The following SMYD3 variants were observed in gnomAD, a reference collection of about 807,000 sequenced individuals.
SMYD3 encodes the protein SET and MYND domain containing 3.
Under a neutral mutation model 57.7 loss-of-function variants are expected in SMYD3, and 36 were observed. The ratio of observed to expected loss-of-function variants is 0.62; its 90% CI spans 0.48 to 0.82. The LOEUF is 0.82. Among genes scored for constraint, SMYD3 ranks in the 40% least tolerant of loss-of-function variants. The pLI, the probability that SMYD3 is intolerant of heterozygous loss-of-function variation, is 0.00. For synonymous variants in SMYD3, 211 were observed against 195.0 expected (o/e 1.08, Z -0.68); for missense variants, 515 against 538.8 (o/e 0.96, Z 0.44).
intron 11 of SMYD3, among the ~76,000 whole-genome samples, chr1:245,750,719 G>T (rs142071452): frequency 4.6e-5 from 7 of 151,106 alleles, no homozygotes; most frequent in African/African-American, 1.2e-4. Context: ...CTGCCCAAAT[G>T]GGGGGGTGGG....
intron 5 of SMYD3, among the ~76,000 whole-genome samples, chr1:246,021,789 T>A (rs2059474589): frequency 6.6e-6 from 1 of 152,144 alleles, no homozygotes. Context: ...TTTCAGCAAA[T>A]CAAAACCCAT....
intron 8 of SMYD3, among the ~76,000 whole-genome samples, chr1:245,877,160 C>A (rs1469966628): frequency 6.6e-6 from 1 of 152,180 alleles, no homozygotes; most frequent in Non-Finnish European, 1.5e-5. Flanking sequence ...CGGGGCAGCT[C>A]CCCGGCCCTC....
intron 1 of SMYD3, among the ~76,000 whole-genome samples, chr1:246,368,192 C>G (rs929990080): frequency 1.3e-5 from 2 of 152,194 alleles, no homozygotes; most frequent in Non-Finnish European, 2.9e-5. Flanking sequence ...GCAGGAACAA[C>G]CATCTCTAAG....
chr1:246,258,132 G>A (rs1321797146), intron 5 of SMYD3, among the ~76,000 whole-genome samples: 2 of 152,140 alleles, frequency 1.3e-5, no homozygotes, highest in Non-Finnish European at 2.9e-5. Context: ...TGCCTCCTGG[G>A]TTCAAGCAAT....
chr1:246,296,310 T>A (rs570089551), intron 5 of SMYD3, among the ~76,000 whole-genome samples: 1 of 152,324 alleles, frequency 6.6e-6, no homozygotes, highest in Admixed American at 6.5e-5. Context: ...ACTTTAGCCA[T>A]GAACAACTCA....
Position 246,309,367 on chromosome 1 carries a change from G to A in SMYD3, c.531+17834C>T, listed in dbSNP as rs570638756. On this transcript the variant is annotated intron_variant, in intron 5 of 11. Transcript: ENST00000490107. ...GATTATCATACTCCTCCAGCCAGAC[G>A]AAGGTATAGTGAACTAGAGAGTTCA... 5.6e-4 allele frequency among the ~76,000 whole-genome samples: 86 copies of A among 152,264 alleles called. 1 individual carries two copies. The highest frequency in any genetic ancestry group is 1.7e-3 in the African/African-American group (69 of 41,552).
intron 5 of SMYD3, among the ~76,000 whole-genome samples, chr1:246,088,747 T>A (rs2060771009): frequency 6.6e-6 from 1 of 152,220 alleles, no homozygotes; most frequent in Admixed American, 6.5e-5. Flanking sequence ...CCCAAAAGTT[T>A]GAAAAATTAG....
intron 8 of SMYD3, among the ~76,000 whole-genome samples, chr1:245,881,657 G>C (rs1179490160): frequency 6.6e-6 from 1 of 152,162 alleles, no homozygotes; most frequent in Non-Finnish European, 1.5e-5. Flanking sequence ...TTCCTAACAA[G>C]TAAGCAAATA....
chr1:246,363,512 G>T (rs966973987), intron 1 of SMYD3, among the ~76,000 whole-genome samples: 2 of 152,204 alleles, frequency 1.3e-5, no homozygotes, highest in African/African-American at 2.4e-5. Context: ...TGAGAAATCG[G>T]ATGGTTGCCG....
chr1:246,104,913 AT>A (rs1168629239), intron 5 of SMYD3, among the ~76,000 whole-genome samples: 1 of 152,140 alleles, frequency 6.6e-6, no homozygotes, highest in Non-Finnish European at 1.5e-5. Context: ...CAATGAAAAT[AT>A]TTTTTATCAG....
At chr1:246,291,177 C>A (rs2064682748) in intron 5 of SMYD3, among the ~76,000 whole-genome samples, 1 of 152,150 alleles carries the variant, frequency 6.6e-6, no homozygotes, top group Non-Finnish European at 1.5e-5. Context: ...ATGTATACAG[C>A]TTGCTAACAA....
At chr1:246,264,568 T>C (rs1181666558) in intron 5 of SMYD3, among the ~76,000 whole-genome samples, 1 of 152,212 alleles carries the variant, frequency 6.6e-6, no homozygotes, top group Non-Finnish European at 1.5e-5. Context: ...TAAGATGTCT[T>C]ACAAAGAATA....
chr1:246,187,244 T>C (rs1253252169), intron 5 of SMYD3, among the ~76,000 whole-genome samples: 1 of 148,078 alleles, frequency 6.8e-6, no homozygotes, highest in African/African-American at 2.5e-5. Context: ...GCAGAGATCG[T>C]GCCACTGCAC....
intron 8 of SMYD3, among the ~76,000 whole-genome samples, chr1:245,865,773 G>A (rs1216947217): frequency 2.6e-5 from 4 of 152,330 alleles, no homozygotes; most frequent in East Asian, 1.9e-4. Context: ...AGCCGCATGC[G>A]GCTGTGGCTA....
chr1:246,507,001 C>CCCCCCCCCCCA, intron 1 of SMYD3, 53 bp downstream of exon 1: 1 of 1,159,184 alleles, frequency 8.6e-7, no homozygotes, highest in Non-Finnish European at 1.2e-6. Flanking sequence ...CCCCCCCTCC[C>CCCCCCCCCCCA]CAGCACCCCA....
At chr1:246,406,677 A>G (rs1178517821) in intron 1 of SMYD3, among the ~76,000 whole-genome samples, 1 of 152,216 alleles carries the variant, frequency 6.6e-6, no homozygotes, top group Non-Finnish European at 1.5e-5. Flanking sequence ...CAATGTGCCT[A>G]TTTATTTTCA....
intron 5 of SMYD3, among the ~76,000 whole-genome samples, chr1:246,136,356 T>C (rs1279867919): frequency 3.9e-5 from 6 of 152,092 alleles, no homozygotes; most frequent in Non-Finnish European, 5.9e-5. Flanking sequence ...GATTTTAAAG[T>C]TGAAAGAAAG....
chr1:246,473,527 A>C (rs2067988197), intron 1 of SMYD3, among the ~76,000 whole-genome samples: 1 of 152,202 alleles, frequency 6.6e-6, no homozygotes, highest in Non-Finnish European at 1.5e-5. Context: ...AGTTGCTTCT[A>C]GCTAGGAATA....
At chr1:246,326,589 CA>C (rs201449535) in intron 5 of SMYD3, among the ~76,000 whole-genome samples, 1 of 84,986 alleles carries the variant, frequency 1.2e-5, no homozygotes, top group Non-Finnish European at 2.8e-5. Context: ...TCCGTCTCTA[CA>C]AAAACAAAAA....
Sources: gnomAD v4.1 joint callset for allele counts (sites outside exome capture counted in the v4.1 genomes callset) on GRCh38, gnomAD v4.1.1 for gene constraint, MANE v1.5 for transcripts, NCBI Gene and HGNC (gene_info 2026-07-23, HGNC 2026-07-21) for gene names.